FMN1: variants seen among roughly 807,000 people sequenced by gnomAD.
The protein encoded by FMN1 is formin 1, also known as formin-1.
In FMN1, 110 loss-of-function variants were observed where a neutral mutation model predicts 132.4. That is an observed-to-expected ratio of 0.83 (90% CI 0.71 to 0.97). The LOEUF is 0.97. Among genes scored for constraint, FMN1 ranks in the 50% least tolerant of loss-of-function variants. The pLI, the probability that FMN1 is intolerant of heterozygous loss-of-function variation, is 0.00. For synonymous variants in FMN1, 722 were observed against 651.7 expected, an observed-to-expected ratio of 1.11 and a Z score of -1.64; for missense variants, 1,792 against 1,705.3, an observed-to-expected ratio of 1.05 and a Z score of -0.90.
At chr15:32,877,736 T>A (rs1462816234) in intron 16 of FMN1, among the ~76,000 whole-genome samples, 1 of 152,192 alleles carries the variant, frequency 6.6e-6, no homozygotes, top group Non-Finnish European at 1.5e-5. Flanking sequence ...AGCTTTAAAA[T>A]CTGTCCCTCT....
At chr15:32,780,508 T>C (rs971360801) in intron 19 of FMN1, among the ~76,000 whole-genome samples, 4 of 152,190 alleles carry the variant, frequency 2.6e-5, no homozygotes, top group Non-Finnish European at 4.4e-5. Flanking sequence ...CATCAAAAAA[T>C]AACCATAAAA....
At chr15:32,861,909 A>G (rs1162781915) in intron 16 of FMN1, among the ~76,000 whole-genome samples, 1 of 152,218 alleles carries the variant, frequency 6.6e-6, no homozygotes, top group East Asian at 1.9e-4. Context: ...AACTGAAACC[A>G]GTACAAACGA....
At chr15:33,040,185 C>A (rs1298231248) in intron 6 of FMN1, among the ~76,000 whole-genome samples, 1 of 152,188 alleles carries the variant, frequency 6.6e-6, no homozygotes, top group African/African-American at 2.4e-5. Context: ...GTTTGCTCTA[C>A]CCTGCCTCTA....
chr15:32,857,339 C>T (rs1372542463), intron 16 of FMN1, among the ~76,000 whole-genome samples: 1 of 152,136 alleles, frequency 6.6e-6, no homozygotes, highest in Non-Finnish European at 1.5e-5. Context: ...GGGCAATGTA[C>T]AATCCTTCCA....
At chr15:33,026,932 G>A (rs969838482) in intron 6 of FMN1, among the ~76,000 whole-genome samples, 3 of 152,154 alleles carry the variant, frequency 2.0e-5, no homozygotes, top group Admixed American at 6.5e-5. Flanking sequence ...TGGGCTTACT[G>A]CCTCTAAGAA....
At chr15:32,937,241 T>A (rs962885540) in intron 9 of FMN1, among the ~76,000 whole-genome samples, 1 of 152,108 alleles carries the variant, frequency 6.6e-6, no homozygotes, top group Non-Finnish European at 1.5e-5. Context: ...CAGAAACCAG[T>A]CTTCAAAGTA....
At chr15:32,876,565 A>G (rs1415859693) in intron 16 of FMN1, among the ~76,000 whole-genome samples, 1 of 152,242 alleles carries the variant, frequency 6.6e-6, no homozygotes, top group Non-Finnish European at 1.5e-5. Context: ...GAAGAGCTAT[A>G]TGAGAACTCT....
intron 7 of FMN1, among the ~76,000 whole-genome samples, chr15:32,991,640 T>A (rs2033441989): frequency 6.6e-6 from 1 of 152,190 alleles, no homozygotes; most frequent in South Asian, 2.1e-4. Context: ...CGACTTGGCT[T>A]GCTGTCAGAC....
chr15:32,809,089 A>G (rs2057782173), intron 17 of FMN1, among the ~76,000 whole-genome samples: 1 of 152,130 alleles, frequency 6.6e-6, no homozygotes, highest in Admixed American at 6.5e-5. Flanking sequence ...AATAACTGGG[A>G]GTCATGGGGG....
chr15:32,931,872 A>G (rs1367387527), intron 9 of FMN1, among the ~76,000 whole-genome samples: 1 of 152,176 alleles, frequency 6.6e-6, no homozygotes, highest in East Asian at 1.9e-4. Context: ...CCTTCTAAAG[A>G]ATATTTCCTT....
In FMN1 at chr15:32,888,238, G is replaced by T; in HGVS notation, c.3769C>A (p.Leu1257Met). The T allele has an allele frequency of 6.2e-7, 1 of 1,613,070 alleles. No individual in the cohort carries two copies. The highest frequency in any genetic ancestry group is 8.5e-7 in the Non-Finnish European group (1 of 1,179,484). The change falls in exon 16 of 21, where the codon CTG (leucine) becomes ATG (methionine). Residue 1257 changes from leucine (L) to methionine (M), a missense_variant. Coordinates refer to ENST00000616417, the MANE Select transcript of FMN1 (RefSeq NM_001277313.2). ...TCTTCAAACTTGACTTGGGAGGCCA[G>T]AAAGAAATCCTGTGGTTCCGGCAAG... ...FPLPEPQDFFLASQVKFEDLI... is the reference protein window; with the variant it reads ...FPLPEPQDFFMASQVKFEDLI...
intron 5 of FMN1, among the ~76,000 whole-genome samples, chr15:33,065,627 T>C (rs984077363): frequency 6.6e-6 from 1 of 152,240 alleles, no homozygotes; most frequent in African/African-American, 2.4e-5. Context: ...GAGAATGTTA[T>C]ATTGTGCTTG....
chr15:32,832,367 T>C (rs2058522737), intron 17 of FMN1, among the ~76,000 whole-genome samples: 1 of 152,202 alleles, frequency 6.6e-6, no homozygotes. Context: ...GAAGCTGTAA[T>C]TTGCAAAGGA....
At chr15:33,018,895 T>C (rs1339523568) in intron 6 of FMN1, among the ~76,000 whole-genome samples, 1 of 152,146 alleles carries the variant, frequency 6.6e-6, no homozygotes, top group African/African-American at 2.4e-5. Context: ...GGTGGGTTCG[T>C]AGTCTCACTG....
At chr15:33,175,245 G>GT (rs1360624992) in intron 3 of FMN1, among the ~76,000 whole-genome samples, 1 of 152,004 alleles carries the variant, frequency 6.6e-6, no homozygotes, top group Non-Finnish European at 1.5e-5. Context: ...TTTTGTTCTT[G>GT]TTTTTTACAG....
chr15:33,127,612 G>A (rs1401009445), intron 4 of FMN1, among the ~76,000 whole-genome samples: 3 of 149,700 alleles, frequency 2.0e-5, no homozygotes, highest in Non-Finnish European at 4.5e-5. Context: ...CAAGACAGAA[G>A]TTAAAACACA....
intron 6 of FMN1, among the ~76,000 whole-genome samples, chr15:33,048,487 A>G (rs1330185596): frequency 6.6e-6 from 1 of 151,784 alleles, no homozygotes; most frequent in Non-Finnish European, 1.5e-5. Flanking sequence ...TTTATGCACT[A>G]AAAGTAAAAG....
At chr15:33,028,939 G>A (rs2035807008) in intron 6 of FMN1, among the ~76,000 whole-genome samples, 1 of 152,142 alleles carries the variant, frequency 6.6e-6, no homozygotes, top group Non-Finnish European at 1.5e-5. Context: ...TAATAAAATA[G>A]AAAACAGATA....
intron 17 of FMN1, 85 bp from the exon 18 acceptor site, chr15:32,804,417 T>C (rs1206116715): frequency 5.1e-6 from 1 of 195,886 alleles, no homozygotes; most frequent in Non-Finnish European, 9.5e-6. Context: ...ACCCATTCAT[T>C]ACCACAGGAG....
Sources: allele counts gnomAD v4.1 joint callset (sites outside exome capture counted in the v4.1 genomes callset), GRCh38; gene constraint gnomAD v4.1.1; transcripts MANE v1.5; gene names NCBI Gene and HGNC (gene_info 2026-07-23, HGNC 2026-07-21).